Variants in NXPE2 observed in about 807,000 individuals in gnomAD.
NXPE2 encodes the protein NXPE family member 2.
A neutral mutation model predicts 34.4 loss-of-function variants in NXPE2; 34 were observed. The observed-to-expected ratio is 0.99, with a 90% confidence interval of 0.75 to 1.31. The LOEUF (loss-of-function observed/expected upper bound fraction) is 1.31. Ranked by LOEUF, NXPE2 falls within the 40% of genes most tolerant of loss-of-function variation. The pLI is 0.00. For missense variants in NXPE2, 649 were observed against 672.5 expected (o/e 0.97, Z 0.39); for synonymous variants, 235 against 231.3 (o/e 1.02, Z -0.15).
rs769458690 is a variant in NXPE2, at chr11:114,698,429, G to A, written c.517G>A (p.Gly173Ser). 5.1e-5 allele frequency: 83 copies of A among 1,613,736 alleles called. No individual in the cohort carries two copies. Among genetic ancestry groups the A allele is most frequent in the Non-Finnish European group, 6.6e-5 (78 of 1,179,900 alleles). ...ASGKVTDFNN[G>S]TYLVSFTLFW... The stretch of plus-strand genomic sequence containing the variant: ...AGGAAAGGTGACTGACTTCAACAAC[G>A]GCACCTACCTGGTCAGCTTCACTCT... Residue 173 changes from glycine to serine, a missense_variant, in exon 3 of 6, where the codon GGC (glycine) becomes AGC (serine). Gly to Ser is a moderately conservative substitution (Grantham distance 56, BLOSUM62 0). Coordinates refer to ENST00000389586, the MANE Select transcript of NXPE2 (RefSeq NM_182495.6).
the NXPE2 span, among the ~76,000 whole-genome samples, chr11:114,780,190 G>C: frequency 6.6e-6 from 1 of 152,178 alleles, no homozygotes; most frequent in Non-Finnish European, 1.5e-5. Context: ...AAAACAAATG[G>C]GAGAGGCCGA....
chr11:114,579,425 C>G, the NXPE2 span, among the ~76,000 whole-genome samples: 1 of 152,100 alleles, frequency 6.6e-6, no homozygotes, highest in East Asian at 1.9e-4. Context: ...GTGAGAAACA[C>G]CAGGCAGGGA....
At chr11:114,490,894 G>C in the NXPE2 span, among the ~76,000 whole-genome samples, 1 of 152,024 alleles carries the variant, frequency 6.6e-6, no homozygotes, top group Non-Finnish European at 1.5e-5. Context: ...CGGGCGCGGT[G>C]GCTCACGCCT....
the NXPE2 span, among the ~76,000 whole-genome samples, chr11:114,805,972 T>G: frequency 6.6e-6 from 1 of 152,180 alleles, no homozygotes; most frequent in African/African-American, 2.4e-5. Context: ...CACCTCACAC[T>G]GCCGGGTACT....
At chr11:114,771,165 C>T in the NXPE2 span, among the ~76,000 whole-genome samples, 2 of 151,820 alleles carry the variant, frequency 1.3e-5, no homozygotes, top group African/African-American at 4.8e-5. Context: ...TTCACCTACC[C>T]ACCTTTGGGA....
At chr11:114,625,881 G>A in the NXPE2 span, among the ~76,000 whole-genome samples, 9 of 152,146 alleles carry the variant, frequency 5.9e-5, no homozygotes, top group African/African-American at 2.2e-4. Context: ...AGGGGTCAGG[G>A]AGTTCCCTTT....
chr11:114,644,308 A>G, the NXPE2 span, among the ~76,000 whole-genome samples: 1 of 152,158 alleles, frequency 6.6e-6, no homozygotes, highest in Non-Finnish European at 1.5e-5. Flanking sequence ...AGGAGTGGTA[A>G]GAGAGGACAT....
chr11:114,699,513 T>G (rs964259821), intron 3 of NXPE2, among the ~76,000 whole-genome samples: 20 of 152,336 alleles, frequency 1.3e-4, no homozygotes, highest in Admixed American at 1.3e-3. Flanking sequence ...CTCACCTTTA[T>G]GCTGCCTTGC....
chr11:114,622,250 GATA>G, the NXPE2 span, among the ~76,000 whole-genome samples: 1 of 104,700 alleles, frequency 9.6e-6, no homozygotes, highest in African/African-American at 3.0e-5. Context: ...TTATCCAGTG[GATA>G]ATAAGTGTTG....
intron 2 of NXPE2, among the ~76,000 whole-genome samples, chr11:114,691,265 C>CT (rs1240905048): frequency 1.3e-5 from 2 of 150,798 alleles, no homozygotes; most frequent in Admixed American, 6.6e-5. Context: ...TTTTTTCTTT[C>CT]TTTTTTTTCT....
At chr11:114,527,901 C>A in the NXPE2 span, 8 of 1,544,142 alleles carry the variant, frequency 5.2e-6, no homozygotes, top group Non-Finnish European at 6.9e-6. Context: ...CCACTTTGGA[C>A]CTTCAAAAAA....
At chr11:114,669,462 C>T in the NXPE2 span, among the ~76,000 whole-genome samples, 1 of 152,014 alleles carries the variant, frequency 6.6e-6, no homozygotes, top group African/African-American at 2.4e-5. Context: ...TCATTCCTTC[C>T]AGTTGTGTGT....
the NXPE2 span, among the ~76,000 whole-genome samples, chr11:114,635,017 T>A: frequency 2.0e-5 from 3 of 151,974 alleles, no homozygotes; most frequent in Non-Finnish European, 4.4e-5. Flanking sequence ...ATTGGTAGCT[T>A]GATGGGGATG....
At chr11:114,744,613 C>A in the NXPE2 span, among the ~76,000 whole-genome samples, 1 of 151,994 alleles carries the variant, frequency 6.6e-6, no homozygotes, top group African/African-American at 2.4e-5. Flanking sequence ...AGTTTGAGAC[C>A]AGCCTGGGAA....
chr11:114,671,086 T>G, the NXPE2 span, among the ~76,000 whole-genome samples: 1 of 147,294 alleles, frequency 6.8e-6, no homozygotes, highest in Non-Finnish European at 1.5e-5. Context: ...AATATATATA[T>G]AAATATATAT....
At chr11:114,576,511 A>T in the NXPE2 span, among the ~76,000 whole-genome samples, 1 of 152,232 alleles carries the variant, frequency 6.6e-6, no homozygotes, top group South Asian at 2.1e-4. Context: ...CAAGAAAAAA[A>T]AAGTCCCATC....
the NXPE2 span, among the ~76,000 whole-genome samples, chr11:114,657,726 G>C: frequency 1.3e-5 from 2 of 151,762 alleles, no homozygotes; most frequent in African/African-American, 4.8e-5. Flanking sequence ...ATCATAAAAG[G>C]CTTCCTTGTA....
At chr11:114,725,196 T>C in the NXPE2 span, among the ~76,000 whole-genome samples, 1 of 152,086 alleles carries the variant, frequency 6.6e-6, no homozygotes, top group Non-Finnish European at 1.5e-5. Context: ...GGTACTAAAT[T>C]TCCATTTATA....
the NXPE2 span, among the ~76,000 whole-genome samples, chr11:114,725,674 TGTCA>T: frequency 6.6e-6 from 1 of 152,002 alleles, no homozygotes; most frequent in African/African-American, 2.4e-5. Context: ...ATAGCCTTCT[TGTCA>T]GTCTCTCATC....
Sources: allele counts gnomAD v4.1 joint callset (sites outside exome capture counted in the v4.1 genomes callset), GRCh38; gene constraint gnomAD v4.1.1; transcripts MANE v1.5; gene names NCBI Gene and HGNC (gene_info 2026-07-23, HGNC 2026-07-21).